FMN1: variants seen among roughly 807,000 people sequenced by gnomAD.
The protein encoded by FMN1 is formin 1.
Under a neutral mutation model 132.4 loss-of-function variants are expected in FMN1, and 110 were observed. The ratio of observed to expected loss-of-function variants is 0.83; its 90% confidence interval spans 0.71 to 0.97. The LOEUF (loss-of-function observed/expected upper bound fraction) is 0.97. Among genes scored for constraint, FMN1 ranks in the 50% least tolerant of loss-of-function variants. FMN1 has a pLI of 0.00. For synonymous variants in FMN1, 722 were observed against 651.7 expected (o/e 1.11, Z -1.64); for missense variants, 1,792 against 1,705.3 (o/e 1.05, Z -0.90).
At chr15:32,862,400 C>T (rs1201741729) in intron 16 of FMN1, among the ~76,000 whole-genome samples, 1 of 152,148 alleles carries the variant, frequency 6.6e-6, no homozygotes, top group African/African-American at 2.4e-5. Flanking sequence ...TTAGTTACTA[C>T]TAAGTGATCA....
intron 4 of FMN1, among the ~76,000 whole-genome samples, chr15:33,106,748 G>C (rs1168921594): frequency 6.6e-6 from 1 of 151,982 alleles, no homozygotes; most frequent in Admixed American, 6.6e-5. Flanking sequence ...AGCATCCCTT[G>C]ACCTCTACTC....
At position 32,898,895 on chromosome 15, in the gene FMN1, T is replaced by TA. The variant is rs1469354044; in HGVS notation, c.3655-3dup. The TA allele has an allele frequency of 6.3e-7, 1 of 1,579,478 alleles. No individual in the cohort carries two copies. The highest frequency in any genetic ancestry group is 1.1e-5 in the South Asian group (1 of 89,094). On this transcript the variant is annotated splice_region_variant and splice_polypyrimidine_tract_variant and intron_variant, in intron 14 of 20. Coordinates refer to ENST00000616417, the MANE Select transcript of FMN1 (RefSeq NM_001277313.2). The stretch of plus-strand genomic sequence containing the variant: ...GTCCACCAGATTAATCCCATTATCC[T>TA]AGGTTTAAAAGAGAAATGTACATGA...
intron 17 of FMN1, among the ~76,000 whole-genome samples, chr15:32,831,225 C>CT (rs796891787): frequency 0.031 from 4,612 of 146,828 alleles, 253 homozygotes; most frequent in African/African-American, 0.11. Flanking sequence ...ATTATTTTTA[C>CT]TTTTTTTTTT....
Position 33,154,816 on chromosome 15 carries a change from T to C in FMN1, c.99A>G (p.Ser33=), listed in dbSNP as rs532108757. Residue 33 remains serine (S), a synonymous_variant, in exon 4 of 21, where the codon TCA becomes TCG. Coordinates refer to ENST00000616417, the MANE Select transcript of FMN1 (RefSeq NM_001277313.2). ...CLPKGEVRGF[S]YKGTVTLDRS... ...TGTCTAGAGTTACAGTGCCCTTGTATGAAAATCCTCTGACTTCCCCCTTTG... is the reference window on the plus strand; with the variant it reads ...TGTCTAGAGTTACAGTGCCCTTGTACGAAAATCCTCTGACTTCCCCCTTTG... 5.9e-6 allele frequency: 9 copies of C among 1,536,182 alleles called. No homozygotes were observed. In the East Asian group the frequency reaches 2.0e-4, roughly 33 times the overall value.
chr15:33,149,058 G>A lies in FMN1; in HGVS notation c.1867+3990C>T, dbSNP rs570738682. Among the ~76,000 whole-genome samples the A allele has an allele frequency of 2.1e-3, 298 of 140,628 alleles. 1 individual carries two copies. Among genetic ancestry groups the A allele is most frequent in the African/African-American group, 8.3e-3 (288 of 34,522 alleles). The allele number at this position is 140,628 out of a possible 152,430, so 92.3% of individuals were successfully genotyped here. A position where few individuals can be genotyped will look rare whatever the true frequency, so the allele number is the denominator to read the frequency against. ...AAATCACTCTTGAAGAATCATAAAAGTAACATATTCACTACAACCAGAGAA... is the reference window on the plus strand; with the variant it reads ...AAATCACTCTTGAAGAATCATAAAAATAACATATTCACTACAACCAGAGAA... On this transcript the variant is annotated intron_variant, in intron 4 of 20. Coordinates refer to ENST00000616417, the MANE Select transcript of FMN1 (RefSeq NM_001277313.2).
intron 5 of FMN1, among the ~76,000 whole-genome samples, chr15:33,072,614 C>A (rs1165132677): frequency 6.6e-6 from 1 of 152,096 alleles, no homozygotes; most frequent in African/African-American, 2.4e-5. Context: ...GCCAATTGTA[C>A]CCCATGGCAA....
At chr15:33,004,932 G>C (rs192140873) in intron 7 of FMN1, among the ~76,000 whole-genome samples, 3 of 151,922 alleles carry the variant, frequency 2.0e-5, no homozygotes, top group Non-Finnish European at 4.4e-5. Flanking sequence ...GCAAACTATC[G>C]CAAGGACAAA....
chr15:32,794,708 A>G (rs572766261), intron 19 of FMN1, among the ~76,000 whole-genome samples: 1 of 152,382 alleles, frequency 6.6e-6, no homozygotes, highest in Non-Finnish European at 1.5e-5. Context: ...CATGTGTACC[A>G]AAAATTCATT....
chr15:33,110,402 G>C (rs761938976), intron 4 of FMN1, among the ~76,000 whole-genome samples: 1 of 152,050 alleles, frequency 6.6e-6, no homozygotes, highest in Non-Finnish European at 1.5e-5. Context: ...ACAGTAAAAA[G>C]ACTGGAAATA....
chr15:32,829,079 C>T (rs947663275), intron 17 of FMN1, among the ~76,000 whole-genome samples: 2 of 152,158 alleles, frequency 1.3e-5, no homozygotes, highest in Non-Finnish European at 2.9e-5. Context: ...CATTTGGTCA[C>T]AGACTCAAAA....
chr15:33,015,512 C>T (rs998799836), intron 6 of FMN1, among the ~76,000 whole-genome samples: 2 of 152,244 alleles, frequency 1.3e-5, no homozygotes, highest in African/African-American at 4.8e-5. Context: ...AAGCCTCCAC[C>T]GCATCACACA....
intron 6 of FMN1, among the ~76,000 whole-genome samples, chr15:33,044,487 G>A (rs1322046431): frequency 6.6e-6 from 1 of 152,132 alleles, no homozygotes; most frequent in African/African-American, 2.4e-5. Context: ...ACTCAAAAAG[G>A]GACAACAGGA....
At chr15:33,091,665 A>G (rs1043634342) in intron 4 of FMN1, among the ~76,000 whole-genome samples, 3 of 152,240 alleles carry the variant, frequency 2.0e-5, no homozygotes, top group Admixed American at 1.3e-4. Flanking sequence ...TCTGACGACC[A>G]CAATGTATTT....
chr15:33,054,942 T>A (rs1403630278), intron 6 of FMN1, among the ~76,000 whole-genome samples: 1 of 152,130 alleles, frequency 6.6e-6, no homozygotes, highest in Admixed American at 6.5e-5. Context: ...GTTATAGTTG[T>A]AAACCAAAAA....
chr15:32,799,631 T>G (rs2057410979), intron 18 of FMN1, among the ~76,000 whole-genome samples: 1 of 152,198 alleles, frequency 6.6e-6, no homozygotes, highest in South Asian at 2.1e-4. Context: ...ATTTCTGATC[T>G]TGGAAAAATG....
intron 4 of FMN1, among the ~76,000 whole-genome samples, chr15:33,127,352 A>G (rs1294934127): frequency 6.8e-6 from 1 of 147,744 alleles, no homozygotes; most frequent in Non-Finnish European, 1.5e-5. Flanking sequence ...ATCCCTCTAA[A>G]TAACTTGACT....
At position 33,048,644 on chromosome 15, in the gene FMN1, A is replaced by AAAAAAAAAAAAAAAAACAAAAAC; in HGVS notation, c.2161+16312_2161+16313insGTTTTTGTTTTTTTTTTTTTTTT. ...TGGGCAATTTACCAAAAAAAAAAAA[A>AAAAAAAAAAAAAAAAACAAAAAC]AAAAACCAACAGTTTAATGGACTTA... On this transcript the variant is annotated intron_variant, in intron 6 of 20. Transcript: ENST00000616417. Among the ~76,000 whole-genome samples the AAAAAAAAAAAAAAAAACAAAAAC allele has an allele frequency of 1.2e-3, 103 of 86,884 alleles. 4 individuals carry two copies. The highest frequency in any genetic ancestry group is 1.6e-3 in the Non-Finnish European group (67 of 42,064). 57.0% of individuals were successfully genotyped at this position (86,884 alleles called of 152,430 possible).
chr15:32,813,911 G>C (rs1302288299), intron 17 of FMN1, among the ~76,000 whole-genome samples: 1 of 152,194 alleles, frequency 6.6e-6, no homozygotes, highest in Non-Finnish European at 1.5e-5. Flanking sequence ...TTCCCAAGGG[G>C]CAGCATTTTT....
chr15:32,848,012 G>C (rs534241156), intron 17 of FMN1, among the ~76,000 whole-genome samples: 63 of 152,260 alleles, frequency 4.1e-4, no homozygotes, highest in African/African-American at 6.3e-4. Flanking sequence ...GGGGTAATCT[G>C]AGAGAAGATC....
Sources: allele counts gnomAD v4.1 joint callset (sites outside exome capture counted in the v4.1 genomes callset), GRCh38; gene constraint gnomAD v4.1.1; transcripts MANE v1.5; gene names NCBI Gene and HGNC (gene_info 2026-07-23, HGNC 2026-07-21).